The following ARFGEF2 variants were observed in gnomAD, a reference collection of about 807,000 sequenced individuals.
ARFGEF2 encodes brefeldin A-inhibited guanine nucleotide-exchange protein 2.
ARFGEF2 carries 74 observed loss-of-function variants against 219.9 expected under a neutral mutation model. The observed-to-expected ratio is 0.34, with a 90% confidence interval of 0.28 to 0.41. ARFGEF2 has a LOEUF of 0.41. Ranked by LOEUF, ARFGEF2 falls within the 10% of genes least tolerant of loss-of-function variation. The pLI is 1.00. For missense variants in ARFGEF2, 1,743 were observed against 2,218.3 expected, an observed-to-expected ratio of 0.79 and a Z score of 4.30; for synonymous variants, 733 against 799.2, an observed-to-expected ratio of 0.92 and a Z score of 1.40.
intron 3 of ARFGEF2, among the ~76,000 whole-genome samples, chr20:48,950,262 A>G (rs1385627634): frequency 1.3e-5 from 2 of 152,264 alleles, no homozygotes; most frequent in East Asian, 1.9e-4. Context: ...AAGTTTTTAC[A>G]TTAATTTTTG....
chr20:48,939,495 G>A (rs1469142314), intron 1 of ARFGEF2, among the ~76,000 whole-genome samples: 1 of 152,056 alleles, frequency 6.6e-6, no homozygotes, highest in African/African-American at 2.4e-5. Flanking sequence ...TATAGATACA[G>A]GTTTCTAAAA....
At position 49,033,062 on chromosome 20, in the gene ARFGEF2, G is replaced by GA; in HGVS notation, c.5224dup (p.Ile1742AsnfsTer5). ...TTCAATGTACTACCCCTACTTGTGT[G>GA]AAATTATGCAGTTTGACCTGATCCC... On this transcript the variant is annotated frameshift_variant, in exon 39 of 39. Coordinates refer to ENST00000371917, the MANE Select transcript of ARFGEF2 (RefSeq NM_006420.3). LOFTEE classifies it high-confidence loss of function. The GA allele has an allele frequency of 6.2e-7, 1 of 1,614,120 alleles. No individual in the cohort carries two copies. Among genetic ancestry groups the GA allele is most frequent in the Non-Finnish European group, 8.5e-7 (1 of 1,180,034 alleles).
chr20:49,002,849 T>C (rs759036866), intron 25 of ARFGEF2, among the ~76,000 whole-genome samples: 8 of 152,074 alleles, frequency 5.3e-5, no homozygotes, highest in Non-Finnish European at 1.2e-4. Context: ...TTTCACCACA[T>C]TGGCCAGGCT....
At chr20:48,936,021 G>A (rs1345440695) in intron 1 of ARFGEF2, among the ~76,000 whole-genome samples, 3 of 143,954 alleles carry the variant, frequency 2.1e-5, no homozygotes, top group African/African-American at 5.2e-5. Context: ...CAGTAGGGGC[G>A]GCCGGGCAGA....
intron 4 of ARFGEF2, among the ~76,000 whole-genome samples, 186 bp downstream of exon 4, chr20:48,951,655 A>G (rs369755978): frequency 6.6e-6 from 1 of 152,362 alleles, no homozygotes; most frequent in Non-Finnish European, 1.5e-5. Context: ...GACAAGAAAA[A>G]TGGAACCAGG....
At chr20:48,950,336 C>G (rs1365751866) in intron 3 of ARFGEF2, among the ~76,000 whole-genome samples, 1 of 152,112 alleles carries the variant, frequency 6.6e-6, no homozygotes, top group Non-Finnish European at 1.5e-5. Flanking sequence ...TACAGAGTGT[C>G]TTAGTCCCAC....
In ARFGEF2 at chr20:48,953,560, A is replaced by C; in HGVS notation, c.608A>C (p.Gln203Pro). 2 of 1,614,012 alleles carry C rather than the reference A, an allele frequency of 1.2e-6. No individual in the cohort carries two copies. Among genetic ancestry groups the C allele is most frequent in the Non-Finnish European group, 1.7e-6 (2 of 1,179,906 alleles). ...IFTRMENQVLQEARELEKPIQ... is the reference protein window; with the variant it reads ...IFTRMENQVLPEARELEKPIQ... The stretch of plus-strand genomic sequence containing the variant: ...CCCCCTTTTGTTGCCTTTTAGTTGC[A>C]GGAGGCCAGAGAACTGGAAAAACCA... The change falls in exon 6 of 39, where the codon CAG becomes CCG. Residue 203 changes from glutamine (Q) to proline (P), a missense_variant. Physicochemically the swap from Gln to Pro is moderately conservative, Grantham distance 76. Around this residue, in one of 5 missense-constraint regions of ARFGEF2, gnomAD observed 394 missense variants for 426.6 expected, o/e 0.92. Coordinates refer to ENST00000371917, the MANE Select transcript of ARFGEF2 (RefSeq NM_006420.3).
chr20:48,997,868 G>GT (rs1223702901), intron 23 of ARFGEF2, among the ~76,000 whole-genome samples: 1 of 151,676 alleles, frequency 6.6e-6, no homozygotes, highest in Non-Finnish European at 1.5e-5. Context: ...TTTATTTTTT[G>GT]TTTTTTTGAG....
At chr20:48,963,175 C>CAAAAATAAAAAAAAAAAAAAAAAAAAAAA (rs2091164659) in intron 6 of ARFGEF2, among the ~76,000 whole-genome samples, 1 of 110,856 alleles carries the variant, frequency 9.0e-6, no homozygotes, top group African/African-American at 4.2e-5. Flanking sequence ...AACTCTGTCT[C>CAAAAATAAAAAAAAAAAAAAAAAAAAAAA]AAAAAAAAAA....
At chr20:48,948,875 T>C (rs2091047234) in intron 3 of ARFGEF2, among the ~76,000 whole-genome samples, 1 of 152,164 alleles carries the variant, frequency 6.6e-6, no homozygotes, top group South Asian at 2.1e-4. Flanking sequence ...ACCTGGGGGA[T>C]AGTGGGAGAT....
At chr20:49,025,262 G>A in intron 35 of ARFGEF2, 51 bp from the exon 36 acceptor site, 2 of 1,570,612 alleles carry the variant, frequency 1.3e-6, no homozygotes, top group South Asian at 2.3e-5. Context: ...ACAATGCCCA[G>A]AGCATTCCAT....
chr20:49,008,056 A>G (rs1393548789), intron 26 of ARFGEF2, among the ~76,000 whole-genome samples: 2 of 152,220 alleles, frequency 1.3e-5, no homozygotes, highest in Non-Finnish European at 2.9e-5. Flanking sequence ...CATTTTGGTG[A>G]TAAGTGTCAA....
At chr20:48,993,826 TA>T (rs2091370764) in intron 21 of ARFGEF2, among the ~76,000 whole-genome samples, 1 of 152,212 alleles carries the variant, frequency 6.6e-6, no homozygotes, top group South Asian at 2.1e-4. Context: ...TTCCTTCAGT[TA>T]AACCAATTAA....
chr20:48,965,984 A>G lies in ARFGEF2; in HGVS notation c.1020A>G (p.Ile340Met). 1 of 1,614,168 alleles carries G rather than the reference A, an allele frequency of 6.2e-7. No homozygotes were observed. Among genetic ancestry groups the G allele is most frequent in the African/African-American group, 1.3e-5 (1 of 75,052 alleles). The part of the protein sequence containing the change: ...GVDENSQTNG[I>M]ADDRQSLSSA... ...ATGAAAACTCACAGACCAACGGGAT[A>G]GCCGATGACAGGCAGTCCTTGTCGT... The change falls in exon 8 of 39, where the codon ATA becomes ATG. Residue 340 changes from isoleucine to methionine, a missense_variant. By Grantham distance (10) the Ile-to-Met change is conservative. Transcript: ENST00000371917.
intron 26 of ARFGEF2, among the ~76,000 whole-genome samples, chr20:49,007,616 T>A (rs1298756703): frequency 1.4e-5 from 2 of 147,648 alleles, no homozygotes; most frequent in Admixed American, 1.4e-4. Flanking sequence ...TTTTTTTTTT[T>A]AAGAAAATGG....
At chr20:49,018,642 A>G (rs558929474) in intron 33 of ARFGEF2, among the ~76,000 whole-genome samples, 2 of 152,250 alleles carry the variant, frequency 1.3e-5, no homozygotes, top group Non-Finnish European at 2.9e-5. Context: ...TATGTAGAGA[A>G]ATGTCCTCTG....
chr20:48,966,501 G>A (rs899370418), intron 8 of ARFGEF2, among the ~76,000 whole-genome samples: 1 of 152,056 alleles, frequency 6.6e-6, no homozygotes, highest in Non-Finnish European at 1.5e-5. Context: ...GTTGCAACCT[G>A]CTTTTTAAAC....
rs982506325 is a variant in ARFGEF2, at chr20:49,001,182, C to T, written c.3432+2677C>T. On this transcript the variant is annotated intron_variant, in intron 25 of 38. Transcript: ENST00000371917. The stretch of plus-strand genomic sequence containing the variant: ...TTCAAGCTATTCTCCTGGGACTACA[C>T]ACATGCATCACCACACCTAGCTAAT... Among the ~76,000 whole-genome samples the T allele has an allele frequency of 2.7e-5, 4 of 149,718 alleles. No homozygotes were observed. In the East Asian group the frequency reaches 7.9e-4, roughly 29 times the overall value.
At chr20:48,960,488 CTT>C (rs34885946) in intron 6 of ARFGEF2, among the ~76,000 whole-genome samples, 13 of 145,914 alleles carry the variant, frequency 8.9e-5, no homozygotes, top group African/African-American at 3.0e-4. Context: ...AAATAATTTT[CTT>C]TTTTTTTTTT....
Sources: allele counts gnomAD v4.1 joint callset (sites outside exome capture counted in the v4.1 genomes callset), GRCh38; gene constraint gnomAD v4.1.1; regional missense constraint gnomAD v4.1.1; transcripts MANE v1.5; gene names NCBI Gene and HGNC (gene_info 2026-07-23, HGNC 2026-07-21).